Variants in MTMR10 observed in about 807,000 individuals in gnomAD.
MTMR10 encodes the protein myotubularin related protein 10, also known as myotubularin-related protein 10.
MTMR10 carries 56 observed loss-of-function variants against 88.1 expected under a neutral mutation model. The observed-to-expected ratio is 0.64, with a 90% CI of 0.51 to 0.79. The LOEUF (loss-of-function observed/expected upper bound fraction) is 0.79, where lower values mean the gene tolerates loss of function less well. Ranked by LOEUF, MTMR10 falls within the 30% of genes least tolerant of loss-of-function variation. MTMR10 has a pLI of 0.00. For missense variants in MTMR10, 883 were observed against 924.7 expected, an observed-to-expected ratio of 0.95 and a Z score of 0.58; for synonymous variants, 380 against 340.9, an observed-to-expected ratio of 1.11 and a Z score of -1.26.
the MTMR10 span, chr15:30,928,085 G>C: frequency 6.0e-6 from 6 of 1,001,128 alleles, no homozygotes; most frequent in Non-Finnish European, 7.1e-6. Flanking sequence ...AAGAACGGAG[G>C]TGGCTGCTGC....
chr15:30,928,293 T>C, the MTMR10 span: 3 of 1,261,346 alleles, frequency 2.4e-6, no homozygotes, highest in African/African-American at 3.1e-5. Flanking sequence ...AACCACTGCT[T>C]TGTGGCTTTG....
intron 6 of MTMR10, among the ~76,000 whole-genome samples, chr15:30,962,010 A>T (rs1186256701): frequency 6.6e-6 from 1 of 152,104 alleles, no homozygotes; most frequent in Non-Finnish European, 1.5e-5. Flanking sequence ...CTTCTCACCT[A>T]CCTGCTCTTT....
chr15:30,940,023 C>T lies in MTMR10; in HGVS notation c.*1447G>A. ...TTCAAAAAGAAACAGCTATTCAGTA[C>T]ATATAAAGGTAAAATACAGTTATCT... On this transcript the variant is annotated 3_prime_UTR_variant, in exon 16 of 16. Coordinates refer to ENST00000435680, the MANE Select transcript of MTMR10 (RefSeq NM_017762.3). 1.0e-6 allele frequency: 1 copy of T among 975,464 alleles called. No individual in the cohort carries two copies. Among genetic ancestry groups the T allele is most frequent in the South Asian group, 4.7e-5 (1 of 21,102 alleles). 60.4% of individuals were successfully genotyped at this position (975,464 alleles called of 1,614,324 possible). A position where few individuals can be genotyped will look rare whatever the true frequency, so the allele number is the denominator to read the frequency against.
In MTMR10 at chr15:30,939,864, C is replaced by T. The variant is rs2062979838; in HGVS notation, c.*1606G>A. ...ATAATTCTATTTGTATAAACTGAAA[C>T]TAGCCCTTATTTTCTAGGCAACAAG... is the stretch of plus-strand genomic sequence containing the variant. On this transcript the variant is annotated 3_prime_UTR_variant, in exon 16 of 16. Coordinates refer to ENST00000435680, the MANE Select transcript of MTMR10 (RefSeq NM_017762.3). The T allele has an allele frequency of 5.0e-5, 49 of 985,182 alleles. No homozygotes were observed. Among genetic ancestry groups the T allele is most frequent in the Non-Finnish European group, 5.9e-5 (49 of 829,796 alleles). 61.0% of individuals were successfully genotyped at this position (985,182 alleles called of 1,614,324 possible). A position where few individuals can be genotyped will look rare whatever the true frequency, so the allele number is the denominator to read the frequency against.
In MTMR10 at chr15:30,939,692, A is replaced by G. The variant is rs143270851; in HGVS notation, c.*1778T>C. Reference sequence around the variant, plus strand: ...TGAAGGAAGAAAATTACAGAGGGAAAAATGCTCAATCCAAAACATTTAGTA... The same window carrying G: ...TGAAGGAAGAAAATTACAGAGGGAAGAATGCTCAATCCAAAACATTTAGTA... On this transcript the variant is annotated 3_prime_UTR_variant, in exon 16 of 16. Transcript: ENST00000435680. 1.1e-3 allele frequency: 1,031 copies of G among 965,728 alleles called. 12 individuals are homozygous for G. The African/African-American group carries it at 0.017, about 16-fold the overall frequency. The allele number at this position is 965,728 out of a possible 1,614,324, so 59.8% of individuals were successfully genotyped here. A position where few individuals can be genotyped will look rare whatever the true frequency, so the allele number is the denominator to read the frequency against.
chr15:30,991,517 C>T lies in MTMR10; in HGVS notation c.-11G>A. ...CTTGAGGGAGAACATGGTGCCGCCGCCTTTTCGCCCCGTTCCCGTCGCGGG... is the reference window on the plus strand; with the variant it reads ...CTTGAGGGAGAACATGGTGCCGCCGTCTTTTCGCCCCGTTCCCGTCGCGGG... On this transcript the variant is annotated 5_prime_UTR_variant, in exon 1 of 16. Transcript: ENST00000435680. The T allele has an allele frequency of 6.5e-7, 1 of 1,532,588 alleles. No individual in the cohort carries two copies. The highest frequency in any genetic ancestry group is 8.7e-7 in the Non-Finnish European group (1 of 1,147,852). 94.9% of individuals were successfully genotyped at this position (1,532,588 alleles called of 1,614,324 possible).
intron 1 of MTMR10, 142 bp from the exon 2 acceptor site, chr15:30,990,979 C>T (rs2141082462): frequency 4.2e-6 from 3 of 707,838 alleles, no homozygotes; most frequent in Non-Finnish European, 6.9e-6. Context: ...ATTAACTGAG[C>T]TGTTTTTAAG....
At chr15:30,927,242 C>T in the MTMR10 span, 1 of 985,540 alleles carries the variant, frequency 1.0e-6, no homozygotes, top group South Asian at 4.7e-5. Context: ...CAGAAATGAT[C>T]TGGCCTTTAT....
chr15:30,940,825 T>C lies in MTMR10; in HGVS notation c.*645A>G. The C allele has an allele frequency of 5.1e-6, 5 of 988,824 alleles. No individual in the cohort carries two copies. Among genetic ancestry groups the C allele is most frequent in the Non-Finnish European group, 6.0e-6 (5 of 831,854 alleles). 61.3% of individuals were successfully genotyped at this position (988,824 alleles called of 1,614,324 possible). The stretch of plus-strand genomic sequence containing the variant: ...ATTTGTATCCTAAAGTCAAAGGCAC[T>C]TCTAAGTTTAATTATCTGCAGCAAA... On this transcript the variant is annotated 3_prime_UTR_variant, in exon 16 of 16. Transcript: ENST00000435680.
At chr15:30,983,901 G>C (rs1374176667) in intron 2 of MTMR10, among the ~76,000 whole-genome samples, 2 of 152,204 alleles carry the variant, frequency 1.3e-5, no homozygotes, top group Non-Finnish European at 2.9e-5. Context: ...CAAGTACCAA[G>C]TCCAGTGAGT....
intron 1 of MTMR10, chr15:30,991,197 C>T: frequency 1.9e-5 from 9 of 485,388 alleles, no homozygotes; most frequent in Non-Finnish European, 3.2e-5. Context: ...TGGGCCTCAA[C>T]ACTCCGCAAA....
At position 30,941,857 on chromosome 15, in the gene MTMR10, GAC is replaced by G; in HGVS notation, c.1945_1946del (p.Val649LeufsTer38). 3.1e-6 allele frequency: 5 copies of G among 1,614,060 alleles called. No individual in the cohort carries two copies. Among genetic ancestry groups the G allele is most frequent in the Non-Finnish European group, 4.2e-6 (5 of 1,179,914 alleles). ...ANLHGVILPR[V>X]SGTHIKLWKL... Reference sequence around the variant, plus strand: ...TCCACAGTTTTATGTGTGTTCCAGAGACACGTGGCAGAATAACACCGTGCAGG... The same window carrying G: ...TCCACAGTTTTATGTGTGTTCCAGAGACGTGGCAGAATAACACCGTGCAGG... On this transcript the variant is annotated frameshift_variant, in exon 16 of 16. Coordinates refer to ENST00000435680, the MANE Select transcript of MTMR10 (RefSeq NM_017762.3). LOFTEE classifies it high-confidence loss of function.
At chr15:30,955,810 C>G (rs1419580699) in intron 9 of MTMR10, among the ~76,000 whole-genome samples, 1 of 152,110 alleles carries the variant, frequency 6.6e-6, no homozygotes, top group Non-Finnish European at 1.5e-5. Flanking sequence ...GTAGGATAAA[C>G]TGCAAGTACA....
At chr15:30,943,371 C>T (rs1395825704) in intron 14 of MTMR10, 5 of 984,740 alleles carry the variant, frequency 5.1e-6, no homozygotes, top group Non-Finnish European at 6.0e-6. Flanking sequence ...TAACATGATA[C>T]TAGAAAGTCT....
In MTMR10 at chr15:30,941,759, A is replaced by G; in HGVS notation, c.2045T>C (p.Leu682Pro). The change falls in exon 16 of 16, where the codon CTC becomes CCC. Residue 682 changes from leucine to proline, a missense_variant. Around this residue, in one of 3 missense-constraint regions of MTMR10, gnomAD observed 343 missense variants for 323.2 expected, o/e 1.06. Coordinates refer to ENST00000435680, the MANE Select transcript of MTMR10 (RefSeq NM_017762.3). ...GTCGACTTCATCAGCCAGGAGGGAGAGCTTGTGAAAGGCTGTGATGGAGCC... is the reference window on the plus strand; with the variant it reads ...GTCGACTTCATCAGCCAGGAGGGAGGGCTTGTGAAAGGCTGTGATGGAGCC... ...LGGSITAFHK[L>P]SLLADEVDVL... 6.2e-7 allele frequency: 1 copy of G among 1,613,818 alleles called. No homozygotes were observed. The highest frequency in any genetic ancestry group is 8.5e-7 in the Non-Finnish European group (1 of 1,179,858).
rs560033553 is a variant in MTMR10 at position 30,977,747 on chromosome 15, T to C, written c.122-792A>G. ...TATAAAAACCTTTAGCCCGATAGAATGTTTGCTGACAAACTCCAAACTCCT... is the reference window on the plus strand; with the variant it reads ...TATAAAAACCTTTAGCCCGATAGAACGTTTGCTGACAAACTCCAAACTCCT... On this transcript the variant is annotated intron_variant, in intron 2 of 15. Coordinates refer to ENST00000435680, the MANE Select transcript of MTMR10 (RefSeq NM_017762.3). Among the ~76,000 whole-genome samples the C allele has an allele frequency of 1.7e-4, 26 of 152,332 alleles. No individual in the cohort carries two copies. The East Asian group carries it at 4.8e-3, about 28-fold the overall frequency.
At position 30,939,961 on chromosome 15, in the gene MTMR10, T is replaced by C. The variant is rs2062982972; in HGVS notation, c.*1509A>G. 3 of 983,284 alleles carry C rather than the reference T, an allele frequency of 3.1e-6. No homozygotes were observed. The African/African-American group carries it at 5.2e-5, about 17-fold the overall frequency. The allele number at this position is 983,284 out of a possible 1,614,324, so 60.9% of individuals were successfully genotyped here. A position where few individuals can be genotyped will look rare whatever the true frequency, so the allele number is the denominator to read the frequency against. Reference sequence around the variant, plus strand: ...TTTTTTAAGAACTCCTGTCCTGTTATATCCAGAGACATTATCAAATTTTAA... The same window carrying C: ...TTTTTTAAGAACTCCTGTCCTGTTACATCCAGAGACATTATCAAATTTTAA... On this transcript the variant is annotated 3_prime_UTR_variant, in exon 16 of 16. Coordinates refer to ENST00000435680, the MANE Select transcript of MTMR10 (RefSeq NM_017762.3).
chr15:30,991,117 T>C, intron 1 of MTMR10: 1 of 516,786 alleles, frequency 1.9e-6, no homozygotes. Flanking sequence ...GCTGCAATCA[T>C]GCTGGCGGTC....
the MTMR10 span, chr15:30,922,388 T>C: frequency 6.4e-7 from 1 of 1,570,098 alleles, no homozygotes; most frequent in Non-Finnish European, 8.6e-7. Flanking sequence ...GAAACACCTT[T>C]TCATTTTAGA....
Sources: gnomAD v4.1 joint callset for allele counts (sites outside exome capture counted in the v4.1 genomes callset) on GRCh38, gnomAD v4.1.1 for gene constraint, gnomAD v4.1.1 regional missense constraint, MANE v1.5 for transcripts, NCBI Gene and HGNC (gene_info 2026-07-23, HGNC 2026-07-21) for gene names.